PRKG1: variants seen among roughly 807,000 people sequenced by gnomAD.
PRKG1 encodes the protein cGMP-dependent protein kinase 1.
A neutral mutation model predicts 88.1 loss-of-function variants in PRKG1; 35 were observed. The ratio of observed to expected loss-of-function variants is 0.40; its 90% CI spans 0.30 to 0.53. The LOEUF (loss-of-function observed/expected upper bound fraction) is 0.53. PRKG1 is among the 20% of genes least tolerant of loss of function. The probability of loss-of-function intolerance (pLI) is 0.59; values close to 1 mark genes in which losing one functional copy is unlikely to be tolerated. For synonymous variants in PRKG1, 303 were observed against 292.5 expected (o/e 1.04, Z -0.37); for missense variants, 540 against 839.8 (o/e 0.64, Z 4.41).
intron 5 of PRKG1, among the ~76,000 whole-genome samples, chr10:51,945,376 T>C (rs1843002903): frequency 6.6e-6 from 1 of 151,574 alleles, no homozygotes; most frequent in African/African-American, 2.4e-5. Context: ...GTTTCCTGAA[T>C]ACAGCACACT....
At chr10:52,274,818 G>C (rs1158813551) in intron 12 of PRKG1, among the ~76,000 whole-genome samples, 1 of 151,888 alleles carries the variant, frequency 6.6e-6, no homozygotes, top group African/African-American at 2.4e-5. Flanking sequence ...AGTGTTCCCT[G>C]TTCACTCCAT....
At chr10:51,825,297 T>A (rs1839855548) in intron 4 of PRKG1, among the ~76,000 whole-genome samples, 1 of 152,170 alleles carries the variant, frequency 6.6e-6, no homozygotes, top group Non-Finnish European at 1.5e-5. Flanking sequence ...CACATCTGCA[T>A]GATTTTTGCT....
At chr10:52,033,802 G>A (rs1272251451) in intron 5 of PRKG1, among the ~76,000 whole-genome samples, 1 of 152,150 alleles carries the variant, frequency 6.6e-6, no homozygotes, top group Non-Finnish European at 1.5e-5. Context: ...CTTTGTGTGA[G>A]CAACATGGCT....
intron 2 of PRKG1, among the ~76,000 whole-genome samples, chr10:51,329,020 T>G (rs1159821233): frequency 6.6e-6 from 1 of 152,182 alleles, no homozygotes; most frequent in Non-Finnish European, 1.5e-5. Context: ...TTCTGTAGAT[T>G]GCCTCTTCAC....
chr10:51,123,703 A>G, intron 1 of PRKG1, among the ~76,000 whole-genome samples: 1 of 151,842 alleles, frequency 6.6e-6, no homozygotes, highest in South Asian at 2.1e-4. Flanking sequence ...AAAAAAAAAA[A>G]AAAAATTACT....
chr10:51,397,577 G>T (rs928619152), intron 2 of PRKG1, among the ~76,000 whole-genome samples: 5 of 152,030 alleles, frequency 3.3e-5, no homozygotes, highest in African/African-American at 9.7e-5. Context: ...TATACTCAAG[G>T]TTTTTTCTGA....
intron 2 of PRKG1, among the ~76,000 whole-genome samples, chr10:51,215,986 A>G (rs529744228): frequency 1.3e-5 from 2 of 152,366 alleles, no homozygotes; most frequent in East Asian, 3.9e-4. Context: ...TTGAAATGAC[A>G]TAGAAAATAG....
chr10:51,701,101 A>G (rs1056354556), intron 3 of PRKG1, among the ~76,000 whole-genome samples: 1 of 152,198 alleles, frequency 6.6e-6, no homozygotes, highest in African/African-American at 2.4e-5. Flanking sequence ...TGAGTAAAAA[A>G]TTATTTTGAA....
chr10:52,094,701 C>T (rs1268199145), intron 7 of PRKG1, among the ~76,000 whole-genome samples: 2 of 152,168 alleles, frequency 1.3e-5, no homozygotes, highest in Non-Finnish European at 2.9e-5. Flanking sequence ...TTGCAGACAG[C>T]TGCCTTCTTG....
At chr10:51,979,212 G>A (rs1843929078) in intron 5 of PRKG1, among the ~76,000 whole-genome samples, 1 of 151,654 alleles carries the variant, frequency 6.6e-6, no homozygotes, top group South Asian at 2.1e-4. Context: ...CATCTATTGA[G>A]ATCATGTAGT....
At chr10:51,026,103 A>T (rs1194453132) in intron 1 of PRKG1, among the ~76,000 whole-genome samples, 1 of 152,142 alleles carries the variant, frequency 6.6e-6, no homozygotes, top group African/African-American at 2.4e-5. Context: ...CCAAAGATTG[A>T]CAGCAAACCA....
intron 1 of PRKG1, among the ~76,000 whole-genome samples, chr10:51,067,881 A>G (rs1025782015): frequency 2.0e-5 from 3 of 152,052 alleles, no homozygotes; most frequent in Admixed American, 2.0e-4. Context: ...AATCTGGAAC[A>G]CTAATATTTA....
intron 3 of PRKG1, among the ~76,000 whole-genome samples, chr10:51,581,450 T>C (rs1174119297): frequency 1.3e-5 from 2 of 152,134 alleles, no homozygotes; most frequent in African/African-American, 4.8e-5. Flanking sequence ...AGGGCATTTA[T>C]AGCCCTATCT....
At chr10:51,397,125 AT>A (rs35688462) in intron 2 of PRKG1, among the ~76,000 whole-genome samples, 30,519 of 125,954 alleles carry the variant, frequency 0.24, 3,218 homozygotes, top group African/African-American at 0.32. Context: ...ATTACTGAGT[AT>A]TTTTTTTTTT....
chr10:52,188,754 A>C (rs185517447), intron 9 of PRKG1, among the ~76,000 whole-genome samples: 128 of 152,322 alleles, frequency 8.4e-4, no homozygotes, highest in African/African-American at 3.0e-3. Flanking sequence ...AGTTGAATCC[A>C]AAGAGCAGAA....
chr10:52,140,943 T>C (rs1392773578), intron 8 of PRKG1, among the ~76,000 whole-genome samples: 1 of 152,130 alleles, frequency 6.6e-6, no homozygotes, highest in Non-Finnish European at 1.5e-5. Context: ...ACTAATAGGA[T>C]GATACACTTA....
At chr10:51,830,009 T>C (rs1839964659) in intron 4 of PRKG1, among the ~76,000 whole-genome samples, 1 of 152,170 alleles carries the variant, frequency 6.6e-6, no homozygotes, top group African/African-American at 2.4e-5. Flanking sequence ...TCTATTTCTA[T>C]AGTTATGGTA....
At chr10:52,162,597 G>A (rs1235402126) in intron 9 of PRKG1, among the ~76,000 whole-genome samples, 2 of 151,924 alleles carry the variant, frequency 1.3e-5, no homozygotes, top group East Asian at 3.9e-4. Context: ...GTATTTAATA[G>A]CATATAGCAT....
chr10:52,204,611 A>G lies in PRKG1; in HGVS notation c.1076+42648A>G, dbSNP rs565831646. 3.9e-5 allele frequency among the ~76,000 whole-genome samples: 6 copies of G among 152,248 alleles called. No individual in the cohort carries two copies. The South Asian group carries it at 8.3e-4, about 21-fold the overall frequency. ...AATTGTGAAGATTTCATGGACATTT[A>G]TCACTTCCCCAATCAATACTCTTGT... On this transcript the variant is annotated intron_variant, in intron 9 of 17. Coordinates refer to ENST00000373980, the MANE Select transcript of PRKG1 (RefSeq NM_006258.4).
Sources: gnomAD v4.1 joint callset for allele counts (sites outside exome capture counted in the v4.1 genomes callset) on GRCh38, gnomAD v4.1.1 for gene constraint, MANE v1.5 for transcripts, NCBI Gene and HGNC (gene_info 2026-07-23, HGNC 2026-07-21) for gene names.